The following PRR16 variants were observed in gnomAD, a reference collection of about 807,000 sequenced individuals.
PRR16 encodes the protein protein Largen.
A neutral mutation model predicts 18.2 loss-of-function variants in PRR16; 6 were observed. That is an observed-to-expected ratio of 0.33 (90% CI 0.18 to 0.65). The LOEUF (loss-of-function observed/expected upper bound fraction) is 0.65. PRR16 is among the 30% of genes least tolerant of loss of function. The probability of loss-of-function intolerance (pLI) is 0.74; values close to 1 mark genes in which losing one functional copy is unlikely to be tolerated. For missense variants in PRR16, 412 were observed against 376.6 expected (o/e 1.09, Z -0.78); for synonymous variants, 151 against 147.8 (o/e 1.02, Z -0.16).
intron 1 of PRR16, among the ~76,000 whole-genome samples, chr5:120,514,637 A>G (rs1371363359): frequency 1.3e-5 from 2 of 152,190 alleles, no homozygotes; most frequent in Admixed American, 1.3e-4. Flanking sequence ...GACAGACACA[A>G]TTTCACCAGG....
chr5:120,663,476 T>A (rs1580849566), intron 1 of PRR16, among the ~76,000 whole-genome samples: 1 of 152,166 alleles, frequency 6.6e-6, no homozygotes, highest in Admixed American at 6.6e-5. Flanking sequence ...TTATAAGTCA[T>A]TTTATTTCCA....
intron 1 of PRR16, among the ~76,000 whole-genome samples, chr5:120,487,453 G>A (rs1275011597): frequency 1.3e-5 from 2 of 152,132 alleles, no homozygotes; most frequent in African/African-American, 4.8e-5. Flanking sequence ...CTGTTTGTCT[G>A]TTATTGGTGT....
chr5:120,563,523 C>T (rs1008842762), intron 1 of PRR16, among the ~76,000 whole-genome samples: 1 of 152,172 alleles, frequency 6.6e-6, no homozygotes, highest in African/African-American at 2.4e-5. Flanking sequence ...CCACCACCAC[C>T]AACAGCCCAT....
At chr5:120,613,471 C>T (rs1754401304) in intron 1 of PRR16, among the ~76,000 whole-genome samples, 3 of 150,026 alleles carry the variant, frequency 2.0e-5, no homozygotes, top group Non-Finnish European at 4.5e-5. Flanking sequence ...TACTAAGATT[C>T]ATGTCTTGAA....
intron 1 of PRR16, among the ~76,000 whole-genome samples, chr5:120,533,954 A>G (rs1390240536): frequency 1.3e-5 from 2 of 152,140 alleles, no homozygotes; most frequent in Non-Finnish European, 2.9e-5. Flanking sequence ...GAGAGATTGG[A>G]GTTCAAGGTG....
chr5:120,494,870 G>T (rs2112833577), intron 1 of PRR16, among the ~76,000 whole-genome samples: 1 of 151,968 alleles, frequency 6.6e-6, no homozygotes, highest in South Asian at 2.1e-4. Context: ...AGTTGCTTTT[G>T]GTCCTTTATA....
the PRR16 span, among the ~76,000 whole-genome samples, chr5:120,766,668 C>T: frequency 6.6e-6 from 1 of 151,884 alleles, no homozygotes; most frequent in Non-Finnish European, 1.5e-5. Context: ...CTCAATATAG[C>T]ACAAGACCGT....
chr5:120,791,853 T>C, the PRR16 span, among the ~76,000 whole-genome samples: 3,056 of 152,246 alleles, frequency 0.02, 114 homozygotes, highest in African/African-American at 0.07. Flanking sequence ...TAAATTGGTT[T>C]ACACTCTGCA....
the PRR16 span, among the ~76,000 whole-genome samples, chr5:120,723,490 C>G: frequency 1.3e-5 from 2 of 151,842 alleles, no homozygotes; most frequent in African/African-American, 4.8e-5. Flanking sequence ...TGACTTTAAC[C>G]ATATAATTAG....
the PRR16 span, among the ~76,000 whole-genome samples, chr5:120,775,796 A>ATTT: frequency 9.9e-5 from 8 of 80,606 alleles, no homozygotes; most frequent in East Asian, 3.3e-4. Context: ...ACGCCTGGCT[A>ATTT]TTTTTTTTTT....
intron 1 of PRR16, among the ~76,000 whole-genome samples, chr5:120,516,671 C>T (rs1047160117): frequency 6.6e-6 from 1 of 152,048 alleles, no homozygotes. Context: ...ATGTCAGGCT[C>T]TAATCAAATA....
the PRR16 span, among the ~76,000 whole-genome samples, chr5:120,734,070 C>T: frequency 6.6e-6 from 1 of 152,010 alleles, no homozygotes; most frequent in South Asian, 2.1e-4. Flanking sequence ...TGTGTTACAT[C>T]TGTAATCTTC....
the PRR16 span, among the ~76,000 whole-genome samples, chr5:120,736,659 A>G: frequency 1.3e-5 from 2 of 148,440 alleles, no homozygotes; most frequent in Non-Finnish European, 3.0e-5. Flanking sequence ...ATTACATTGA[A>G]TGTATAGATC....
At chr5:120,481,040 C>T in intron 1 of PRR16, 2 of 998,184 alleles carry the variant, frequency 2.0e-6, no homozygotes, top group Non-Finnish European at 2.5e-6. Context: ...AAGTATTTTT[C>T]AATATAAAGT....
chr5:120,528,611 G>A (rs899533287), intron 1 of PRR16, among the ~76,000 whole-genome samples: 2 of 152,180 alleles, frequency 1.3e-5, no homozygotes, highest in African/African-American at 2.4e-5. Context: ...TAGGGATCCA[G>A]TGCAGAATGG....
the PRR16 span, among the ~76,000 whole-genome samples, chr5:120,754,595 ATATAT>A: frequency 1.0e-5 from 1 of 96,636 alleles, no homozygotes; most frequent in Non-Finnish European, 1.9e-5. Context: ...ATTATATATA[ATATAT>A]ATCGTTATAT....
chr5:120,657,807 C>T (rs921802316), intron 1 of PRR16, among the ~76,000 whole-genome samples: 4 of 151,892 alleles, frequency 2.6e-5, no homozygotes, highest in African/African-American at 9.7e-5. Flanking sequence ...GCATGTTCCC[C>T]CACCTATTGC....
intron 1 of PRR16, among the ~76,000 whole-genome samples, chr5:120,671,802 A>G (rs1350142614): frequency 6.6e-6 from 1 of 152,160 alleles, no homozygotes; most frequent in African/African-American, 2.4e-5. Flanking sequence ...CTTTTTAAAT[A>G]TGTGTGTGTA....
the PRR16 span, among the ~76,000 whole-genome samples, chr5:120,765,766 T>A: frequency 6.6e-6 from 1 of 151,648 alleles, no homozygotes. Flanking sequence ...CCATATGCCT[T>A]TTAGTCACTA....
Sources: gnomAD v4.1 joint callset for allele counts (sites outside exome capture counted in the v4.1 genomes callset) on GRCh38, gnomAD v4.1.1 for gene constraint, MANE v1.5 for transcripts, NCBI Gene and HGNC (gene_info 2026-07-23, HGNC 2026-07-21) for gene names.